MAD1L1: variants seen among roughly 807,000 people sequenced by gnomAD.
MAD1L1 encodes the protein mitotic spindle assembly checkpoint protein MAD1.
A neutral mutation model predicts 96.9 loss-of-function variants in MAD1L1; 95 were observed. The observed-to-expected ratio is 0.98, with a 90% CI of 0.83 to 1.16. MAD1L1 has a LOEUF of 1.16. MAD1L1 is among the 50% of genes most tolerant of loss of function. The probability of loss-of-function intolerance (pLI) is 0.00; values close to 1 mark genes in which losing one functional copy is unlikely to be tolerated. For missense variants in MAD1L1, 1,007 were observed against 954.4 expected (o/e 1.06, Z -0.73); for synonymous variants, 473 against 396.6 (o/e 1.19, Z -2.29).
intron 11 of MAD1L1, among the ~76,000 whole-genome samples, chr7:2,100,101 T>C (rs541618951): frequency 6.1e-4 from 93 of 152,270 alleles, no homozygotes; most frequent in African/African-American, 2.1e-3. Flanking sequence ...GATAAGGACA[T>C]AGGTGAGAAG....
In MAD1L1 at chr7:2,217,949, G is replaced by T; in HGVS notation, c.678+13C>A. On this transcript the variant is annotated intron_variant, in intron 7 of 18. Transcript: ENST00000265854. ...CAGGGATGTCCACAAGGCACTGACAGGGAGTGACTCACCTTAATCTGCTGC... is the reference window on the plus strand; with the variant it reads ...CAGGGATGTCCACAAGGCACTGACATGGAGTGACTCACCTTAATCTGCTGC... 6.2e-7 allele frequency: 1 copy of T among 1,609,044 alleles called. No homozygotes were observed. Among genetic ancestry groups the T allele is most frequent in the South Asian group, 1.1e-5 (1 of 90,978 alleles).
intron 18 of MAD1L1, among the ~76,000 whole-genome samples, chr7:1,822,138 G>GA: frequency 6.6e-6 from 1 of 152,000 alleles, no homozygotes; most frequent in South Asian, 2.1e-4. Flanking sequence ...GAAATAAGAT[G>GA]AACATACAAA....
At chr7:2,228,036 C>T (rs949808368) in intron 3 of MAD1L1, among the ~76,000 whole-genome samples, 3 of 151,688 alleles carry the variant, frequency 2.0e-5, no homozygotes, top group African/African-American at 4.8e-5. Flanking sequence ...AGAGAGAGAA[C>T]CACGACGAAG....
At chr7:2,170,185 C>T (rs919468140) in intron 10 of MAD1L1, among the ~76,000 whole-genome samples, 2 of 152,140 alleles carry the variant, frequency 1.3e-5, no homozygotes, top group African/African-American at 4.8e-5. Flanking sequence ...TGAAGCAGCT[C>T]GTCCTAGCCA....
chr7:1,928,382 A>AC (rs1273358039), intron 17 of MAD1L1, among the ~76,000 whole-genome samples: 1 of 114,602 alleles, frequency 8.7e-6, no homozygotes, highest in African/African-American at 3.3e-5. Flanking sequence ...CCCACCACCC[A>AC]CCAGTCCCTA....
At chr7:1,941,582 C>T (rs1026371221) in intron 16 of MAD1L1, among the ~76,000 whole-genome samples, 4 of 152,072 alleles carry the variant, frequency 2.6e-5, no homozygotes, top group African/African-American at 4.8e-5. Context: ...CCACCGTGTC[C>T]GGGCTGGGAC....
At chr7:2,000,289 A>T (rs964069076) in intron 14 of MAD1L1, among the ~76,000 whole-genome samples, 6 of 151,822 alleles carry the variant, frequency 4.0e-5, no homozygotes, top group African/African-American at 1.5e-4. Flanking sequence ...ACGCCATTGC[A>T]GTCCTAGCCC....
chr7:2,232,360 T>C (rs952821191), intron 1 of MAD1L1, among the ~76,000 whole-genome samples: 15 of 152,268 alleles, frequency 9.9e-5, no homozygotes, highest in Non-Finnish European at 1.9e-4. Context: ...GAGATCAGGG[T>C]GGCCCTTGCC....
At chr7:2,062,783 G>A (rs1161361396) in intron 12 of MAD1L1, among the ~76,000 whole-genome samples, 1 of 152,136 alleles carries the variant, frequency 6.6e-6, no homozygotes, top group Non-Finnish European at 1.5e-5. Context: ...CACACCCACT[G>A]TGCAGCACCC....
At chr7:1,885,635 C>A (rs1241151057) in intron 18 of MAD1L1, among the ~76,000 whole-genome samples, 1 of 152,230 alleles carries the variant, frequency 6.6e-6, no homozygotes, top group African/African-American at 2.4e-5. Flanking sequence ...TTCAACCCCC[C>A]AGTTCCGTCC....
chr7:2,211,587 G>A (rs953620622), intron 10 of MAD1L1, among the ~76,000 whole-genome samples: 1 of 152,196 alleles, frequency 6.6e-6, no homozygotes, highest in Non-Finnish European at 1.5e-5. Context: ...GGGAGCAGAA[G>A]GGTCGCCTTC....
At chr7:2,040,700 G>C (rs1362184320) in intron 12 of MAD1L1, among the ~76,000 whole-genome samples, 1 of 152,174 alleles carries the variant, frequency 6.6e-6, no homozygotes, top group Non-Finnish European at 1.5e-5. Context: ...AGAGGCAGAC[G>C]AGGAAACCTG....
At chr7:1,897,598 A>G (rs889679259) in intron 18 of MAD1L1, among the ~76,000 whole-genome samples, 1 of 152,138 alleles carries the variant, frequency 6.6e-6, no homozygotes, top group Non-Finnish European at 1.5e-5. Context: ...TAACACCCCA[A>G]TTTCTGCTGT....
chr7:2,052,119 T>C (rs1784207182), intron 12 of MAD1L1, among the ~76,000 whole-genome samples: 1 of 151,844 alleles, frequency 6.6e-6, no homozygotes, highest in Non-Finnish European at 1.5e-5. Flanking sequence ...TCCGCACACA[T>C]CAGAGAGGAG....
intron 16 of MAD1L1, among the ~76,000 whole-genome samples, chr7:1,951,652 T>C (rs1256980812): frequency 6.6e-6 from 1 of 152,186 alleles, no homozygotes; most frequent in Non-Finnish European, 1.5e-5. Flanking sequence ...ATGGATCTGA[T>C]GACTCTAGGG....
chr7:2,090,663 C>G (rs1354581122), intron 11 of MAD1L1, among the ~76,000 whole-genome samples: 1 of 152,264 alleles, frequency 6.6e-6, no homozygotes, highest in Admixed American at 6.5e-5. Context: ...CTGAGCAGGA[C>G]TGGCCCAGGC....
At chr7:1,824,740 G>C (rs1191216157) in intron 18 of MAD1L1, among the ~76,000 whole-genome samples, 1 of 152,218 alleles carries the variant, frequency 6.6e-6, no homozygotes, top group Non-Finnish European at 1.5e-5. Context: ...CTCAAAGCCA[G>C]CGAAGGGGAG....
At chr7:1,986,269 G>A (rs993587442) in intron 14 of MAD1L1, among the ~76,000 whole-genome samples, 1 of 152,082 alleles carries the variant, frequency 6.6e-6, no homozygotes, top group Non-Finnish European at 1.5e-5. Flanking sequence ...CTTCAAGTAC[G>A]TGTGATGCAC....
intron 12 of MAD1L1, among the ~76,000 whole-genome samples, chr7:2,067,018 C>G (rs1212186473): frequency 6.6e-6 from 1 of 152,248 alleles, no homozygotes; most frequent in African/African-American, 2.4e-5. Context: ...CAGGCCAAGA[C>G]CCAGGCCACG....
Sources: gnomAD v4.1 joint callset for allele counts (sites outside exome capture counted in the v4.1 genomes callset) on GRCh38, gnomAD v4.1.1 for gene constraint, MANE v1.5 for transcripts, NCBI Gene and HGNC (gene_info 2026-07-23, HGNC 2026-07-21) for gene names.